The following BICRAL variants were observed in gnomAD, a reference collection of about 807,000 sequenced individuals.
The protein encoded by BICRAL is BRD4-interacting chromatin-remodeling complex-associated protein-like.
Under a neutral mutation model 91.8 loss-of-function variants are expected in BICRAL, and 8 were observed. The observed-to-expected ratio is 0.09, with a 90% CI of 0.05 to 0.16. The LOEUF is 0.16. BICRAL is among the 10% of genes least tolerant of loss of function. The pLI, the probability that BICRAL is intolerant of heterozygous loss-of-function variation, is 1.00. For synonymous variants in BICRAL, 445 were observed against 491.1 expected (o/e 0.91, Z 1.24); for missense variants, 1,038 against 1,310.9 (o/e 0.79, Z 3.21).
chr6:42,807,462 C>A lies in BICRAL; in HGVS notation c.-101-2844C>A, dbSNP rs553646341. The stretch of plus-strand genomic sequence containing the variant: ...CCTCCCAAAGTGTTGGGATTACAGG[C>A]ATGAGCTACCACACCCGGCCTTCAT... On this transcript the variant is annotated intron_variant, in intron 1 of 12. Transcript: ENST00000314073. Among the ~76,000 whole-genome samples the A allele has an allele frequency of 5.5e-3, 833 of 152,180 alleles. 3 individuals are homozygous for A. Among genetic ancestry groups the A allele is most frequent in the African/African-American group, 0.017 (721 of 41,520 alleles).
intron 2 of BICRAL, among the ~76,000 whole-genome samples, chr6:42,819,312 A>G (rs1208694809): frequency 1.3e-5 from 2 of 151,976 alleles, no homozygotes; most frequent in African/African-American, 4.8e-5. Context: ...TTGAGACAGA[A>G]TCTCTCTCTG....
intron 6 of BICRAL, among the ~76,000 whole-genome samples, chr6:42,848,380 A>T (rs776415688): frequency 1.3e-5 from 2 of 152,028 alleles, no homozygotes; most frequent in Non-Finnish European, 2.9e-5. Context: ...GCACCACTGC[A>T]CTCCAGCCTC....
chr6:42,837,312 A>G (rs1764669924), intron 6 of BICRAL, among the ~76,000 whole-genome samples: 2 of 152,252 alleles, frequency 1.3e-5, no homozygotes, highest in South Asian at 4.1e-4. Context: ...AAATATAATT[A>G]CCGAAGGCTT....
intron 2 of BICRAL, among the ~76,000 whole-genome samples, chr6:42,814,218 G>A (rs1414346994): frequency 2.2e-5 from 3 of 136,946 alleles, no homozygotes; most frequent in African/African-American, 8.2e-5. Context: ...AAGGTATCTC[G>A]TATTGGCTCT....
intron 2 of BICRAL, among the ~76,000 whole-genome samples, chr6:42,814,556 C>T (rs1441636172): frequency 1.8e-5 from 2 of 112,490 alleles, no homozygotes; most frequent in African/African-American, 3.6e-5. Context: ...AAGTCTTGGT[C>T]TGTTACCCAG....
intron 1 of BICRAL, among the ~76,000 whole-genome samples, chr6:42,788,365 C>T (rs1440754925): frequency 6.6e-6 from 1 of 151,708 alleles, no homozygotes; most frequent in Non-Finnish European, 1.5e-5. Flanking sequence ...GCTAGAATTA[C>T]AGGTATGCAC....
intron 8 of BICRAL, among the ~76,000 whole-genome samples, 155 bp from the exon 9 acceptor site, chr6:42,855,700 GT>G (rs371639297): frequency 2.3e-3 from 338 of 144,502 alleles, no homozygotes; most frequent in Middle Eastern, 3.6e-3. Flanking sequence ...CTGTGTACTG[GT>G]TTTTTTTTTT....
chr6:42,799,953 C>T (rs1319304745), intron 1 of BICRAL, among the ~76,000 whole-genome samples: 1 of 151,912 alleles, frequency 6.6e-6, no homozygotes, highest in Non-Finnish European at 1.5e-5. Context: ...CAATCTTGGC[C>T]GACTGCAACC....
chr6:42,830,145 A>G lies in BICRAL; in HGVS notation c.1812A>G (p.Thr604=), dbSNP rs143301030. ...STSTFSNTPG[T]GTQQQFFCQA... is the part of the protein sequence containing the mutation. ...GCACCTTCAGTAACACACCTGGAAC[A>G]GGAACCCAGCAACAATTCTTCTGCC... The change falls in exon 6 of 13, where the codon ACA becomes ACG. Residue 604 remains threonine, a synonymous_variant. Coordinates refer to ENST00000314073, the MANE Select transcript of BICRAL (RefSeq NM_001393499.1). The G allele has an allele frequency of 3.7e-6, 6 of 1,614,006 alleles. No homozygotes were observed. The African/African-American group carries it at 6.7e-5, about 18-fold the overall frequency.
chr6:42,776,019 TTTTA>T (rs1472551192), intron 1 of BICRAL, among the ~76,000 whole-genome samples: 1 of 152,258 alleles, frequency 6.6e-6, no homozygotes, highest in Non-Finnish European at 1.5e-5. Flanking sequence ...AGGTTTTTTA[TTTTA>T]TTTATTTATT....
rs1382404477 is a variant in BICRAL, at chr6:42,868,251, T to C, written c.*2805T>C. ...GTTAGATTAGGGAGGCCTTACAGAC[T>C]GACTTTACTTAAAGAGGACGCGTCA... is the stretch of plus-strand genomic sequence containing the variant. On this transcript the variant is annotated 3_prime_UTR_variant, in exon 13 of 13. Transcript: ENST00000314073. 2 of 152,600 alleles carry C rather than the reference T, an allele frequency of 1.3e-5. No homozygotes were observed. Among genetic ancestry groups the C allele is most frequent in the Non-Finnish European group, 2.9e-5 (2 of 68,032 alleles). The allele number at this position is 152,600 out of a possible 1,614,324, so 9.5% of individuals were successfully genotyped here. A position where few individuals can be genotyped will look rare whatever the true frequency, so the allele number is the denominator to read the frequency against.
rs144744935 is a variant in BICRAL at position 42,817,927 on chromosome 6, A to G, written c.-5-4091A>G. ...GGTTAAGGATCTCTTGAGCCCAGAAATTCAAGTCCAGCCTGGGCAACATAG... is the reference window on the plus strand; with the variant it reads ...GGTTAAGGATCTCTTGAGCCCAGAAGTTCAAGTCCAGCCTGGGCAACATAG... On this transcript the variant is annotated intron_variant, in intron 2 of 12. Transcript: ENST00000314073. 6.9e-3 allele frequency among the ~76,000 whole-genome samples: 1,034 copies of G among 149,628 alleles called. 5 individuals carry two copies. The highest frequency in any genetic ancestry group is 0.023 in the African/African-American group (916 of 40,406).
chr6:42,831,810 C>G (rs1055003883), intron 6 of BICRAL, among the ~76,000 whole-genome samples: 5 of 151,658 alleles, frequency 3.3e-5, no homozygotes, highest in Admixed American at 1.3e-4. Context: ...GAAATCTCAG[C>G]TCACTGCAGC....
chr6:42,767,577 G>A (rs1376342169), intron 1 of BICRAL, among the ~76,000 whole-genome samples: 4 of 152,232 alleles, frequency 2.6e-5, no homozygotes. Context: ...CAGGTGGCTT[G>A]ATATGGTAAA....
At position 42,860,212 on chromosome 6, in the gene BICRAL, G is replaced by C. The variant is rs778221960; in HGVS notation, c.2255-50G>C. On this transcript the variant is annotated intron_variant, in intron 10 of 12. Coordinates refer to ENST00000314073, the MANE Select transcript of BICRAL (RefSeq NM_001393499.1). ...TCAGTCTTAAGAAACAGAAGACCTA[G>C]TCAGTGATTTACAGTCTCTCACTAT... 3 of 1,013,822 alleles carry C rather than the reference G, an allele frequency of 3.0e-6. No individual in the cohort carries two copies. In the South Asian group the frequency reaches 3.9e-5, roughly 13 times the overall value. The allele number at this position is 1,013,822 out of a possible 1,614,324, so 62.8% of individuals were successfully genotyped here.
At chr6:42,774,332 G>C (rs1437940351) in intron 1 of BICRAL, among the ~76,000 whole-genome samples, 3 of 152,184 alleles carry the variant, frequency 2.0e-5, no homozygotes, top group Admixed American at 6.5e-5. Flanking sequence ...GGTTGGTCTA[G>C]GGGAAAGGTG....
chr6:42,845,714 G>A (rs1239116057), intron 6 of BICRAL, among the ~76,000 whole-genome samples: 2 of 151,936 alleles, frequency 1.3e-5, no homozygotes, highest in Non-Finnish European at 2.9e-5. Context: ...ACTGGCAGGT[G>A]CGCCGGTTTC....
chr6:42,810,525 A>C (rs1763820455), intron 2 of BICRAL, 124 bp downstream of exon 2: 1 of 152,224 alleles, frequency 6.6e-6, no homozygotes, highest in African/African-American at 2.4e-5. Flanking sequence ...CAATATAGTA[A>C]AAAGAATAAG....
At position 42,866,969 on chromosome 6, in the gene BICRAL, T is replaced by A. The variant is rs963759229; in HGVS notation, c.*1523T>A. The stretch of plus-strand genomic sequence containing the variant: ...CTGAGCTGCTCGGATCCAGAGGTCA[T>A]TTTTGTTACAGTGTGTGCACACTCA... On this transcript the variant is annotated 3_prime_UTR_variant, in exon 13 of 13. Transcript: ENST00000314073. 1 of 432,582 alleles carries A rather than the reference T, an allele frequency of 2.3e-6. No homozygotes were observed. The highest frequency in any genetic ancestry group is 2.0e-5 in the African/African-American group (1 of 49,322). The allele number at this position is 432,582 out of a possible 1,614,324, so 26.8% of individuals were successfully genotyped here.
Sources: allele counts gnomAD v4.1 joint callset (sites outside exome capture counted in the v4.1 genomes callset), GRCh38; gene constraint gnomAD v4.1.1; transcripts MANE v1.5; gene names NCBI Gene and HGNC (gene_info 2026-07-23, HGNC 2026-07-21).